GPHN: variants seen among roughly 807,000 people sequenced by gnomAD.
GPHN encodes gephyrin.
In GPHN, 17 loss-of-function variants were observed where a neutral mutation model predicts 95.5. The observed-to-expected ratio is 0.18, with a 90% CI of 0.12 to 0.27. The LOEUF (loss-of-function observed/expected upper bound fraction) is 0.27, where lower values mean the gene tolerates loss of function less well. Among genes scored for constraint, GPHN ranks in the 10% least tolerant of loss-of-function variants. The pLI, the probability that GPHN is intolerant of heterozygous loss-of-function variation, is 1.00. For missense variants in GPHN, 660 were observed against 978.1 expected, an observed-to-expected ratio of 0.67 and a Z score of 4.34; for synonymous variants, 320 against 322.5, an observed-to-expected ratio of 0.99 and a Z score of 0.08.
the GPHN span, among the ~76,000 whole-genome samples, chr14:67,511,590 A>G: frequency 6.6e-6 from 1 of 152,190 alleles, no homozygotes; most frequent in Non-Finnish European, 1.5e-5. Flanking sequence ...ATGAATTGTC[A>G]ATGACTTTGG....
the GPHN span, chr14:67,586,177 G>T: frequency 6.7e-7 from 1 of 1,490,302 alleles, no homozygotes. Flanking sequence ...CTGGGGTTAT[G>T]CTAGTGCTCT....
At chr14:66,672,853 T>G (rs1156734350) in intron 1 of GPHN, among the ~76,000 whole-genome samples, 2 of 152,248 alleles carry the variant, frequency 1.3e-5, no homozygotes, top group Non-Finnish European at 2.9e-5. Flanking sequence ...ATTTTTTTAA[T>G]CTACCCTGAC....
intron 1 of GPHN, among the ~76,000 whole-genome samples, chr14:66,583,744 T>C (rs2061301100): frequency 6.6e-6 from 1 of 152,278 alleles, no homozygotes; most frequent in East Asian, 1.9e-4. Context: ...CAGTGGTCTA[T>C]ATCTCTGTTT....
chr14:67,455,348 C>T, the GPHN span, among the ~76,000 whole-genome samples: 3 of 152,134 alleles, frequency 2.0e-5, no homozygotes, highest in African/African-American at 7.2e-5. Flanking sequence ...CCTCTGTCTG[C>T]AGTATTCTTC....
chr14:66,758,089 C>G (rs2058629305), intron 2 of GPHN, among the ~76,000 whole-genome samples: 1 of 152,102 alleles, frequency 6.6e-6, no homozygotes, highest in Non-Finnish European at 1.5e-5. Flanking sequence ...AGTGAAGACA[C>G]CACTCAAAGG....
At chr14:66,524,683 T>A (rs748774749) in intron 1 of GPHN, among the ~76,000 whole-genome samples, 4 of 152,080 alleles carry the variant, frequency 2.6e-5, no homozygotes, top group Non-Finnish European at 5.9e-5. Context: ...GTGTATGATG[T>A]TCCCCTCCTT....
At chr14:67,247,403 G>C in the GPHN span, among the ~76,000 whole-genome samples, 1 of 152,066 alleles carries the variant, frequency 6.6e-6, no homozygotes, top group Non-Finnish European at 1.5e-5. Context: ...AGCTCTAGGA[G>C]CTTTTTTATT....
the GPHN span, among the ~76,000 whole-genome samples, chr14:67,371,599 G>C: frequency 1.3e-5 from 2 of 152,030 alleles, no homozygotes; most frequent in African/African-American, 4.8e-5. Context: ...TTATTCCTAG[G>C]CTACAAACCT....
intron 1 of GPHN, among the ~76,000 whole-genome samples, chr14:66,592,141 C>T (rs11266390): frequency 2.0e-5 from 3 of 152,162 alleles, no homozygotes; most frequent in Non-Finnish European, 4.4e-5. Flanking sequence ...ACACCTCATA[C>T]AAAAATTAAC....
At chr14:67,301,454 T>G in the GPHN span, 1 of 1,607,986 alleles carries the variant, frequency 6.2e-7, no homozygotes, top group Non-Finnish European at 8.5e-7. Flanking sequence ...TGCTGAATAC[T>G]CCACATATTC....
the GPHN span, chr14:67,569,276 G>A: frequency 1.7e-5 from 22 of 1,259,528 alleles, no homozygotes; most frequent in African/African-American, 2.9e-5. Flanking sequence ...GTGGGCAAGC[G>A]GGGAGGAGAA....
At chr14:67,583,735 C>T in the GPHN span, 2 of 1,609,320 alleles carry the variant, frequency 1.2e-6, no homozygotes, top group Non-Finnish European at 1.7e-6. Flanking sequence ...TATGCTTCTA[C>T]CACAGGTAGA....
chr14:67,662,859 C>T, the GPHN span, among the ~76,000 whole-genome samples: 292 of 146,530 alleles, frequency 2.0e-3, 1 homozygote, highest in Middle Eastern at 3.5e-3. Flanking sequence ...GCCGAGATTG[C>T]GCCATTGCAC....
chr14:67,095,363 C>T (rs2077318598), intron 12 of GPHN, among the ~76,000 whole-genome samples: 1 of 152,262 alleles, frequency 6.6e-6, no homozygotes, highest in East Asian at 1.9e-4. Flanking sequence ...CTGTGGAAGT[C>T]AGTGTGGCGA....
intron 17 of GPHN, among the ~76,000 whole-genome samples, chr14:67,127,073 A>G (rs944426342): frequency 7.7e-6 from 1 of 130,472 alleles, no homozygotes; most frequent in African/African-American, 2.9e-5. Flanking sequence ...AGGAAGGGGA[A>G]TATCACACTC....
At chr14:67,325,979 CTTTTT>C in the GPHN span, among the ~76,000 whole-genome samples, 8 of 110,220 alleles carry the variant, frequency 7.3e-5, no homozygotes, top group African/African-American at 3.1e-4. Flanking sequence ...CGGCTCTTTT[CTTTTT>C]TTTTTTTTTT....
chr14:67,405,895 C>T, the GPHN span, among the ~76,000 whole-genome samples: 1 of 152,142 alleles, frequency 6.6e-6, no homozygotes, highest in Non-Finnish European at 1.5e-5. Flanking sequence ...AGACCCTGAG[C>T]CAGTCTTGCA....
chr14:67,609,380 A>G, the GPHN span, among the ~76,000 whole-genome samples: 2 of 152,174 alleles, frequency 1.3e-5, no homozygotes, highest in Admixed American at 6.5e-5. Context: ...CTTTTGTCCC[A>G]TGGAGTTGGG....
chr14:67,141,504 C>G (rs1472110619), intron 17 of GPHN, among the ~76,000 whole-genome samples: 1 of 152,178 alleles, frequency 6.6e-6, no homozygotes, highest in Admixed American at 6.5e-5. Context: ...GTTCCAGGTA[C>G]TATTCCAAGT....
Sources: allele counts gnomAD v4.1 joint callset (sites outside exome capture counted in the v4.1 genomes callset), GRCh38; gene constraint gnomAD v4.1.1; transcripts MANE v1.5; gene names NCBI Gene and HGNC (gene_info 2026-07-23, HGNC 2026-07-21).